ADAMTSL3: variants seen among roughly 807,000 people sequenced by gnomAD.
ADAMTSL3 encodes the protein ADAMTS-like protein 3.
In ADAMTSL3, 128 loss-of-function variants were observed where a neutral mutation model predicts 201.7. The ratio of observed to expected loss-of-function variants is 0.63; its 90% confidence interval spans 0.55 to 0.73. The LOEUF is 0.73. Ranked by LOEUF, ADAMTSL3 falls within the 30% of genes least tolerant of loss-of-function variation. ADAMTSL3 has a pLI of 0.00. For missense variants in ADAMTSL3, 1,990 were observed against 2,119.6 expected, an observed-to-expected ratio of 0.94 and a Z score of 1.20; for synonymous variants, 738 against 748.4, an observed-to-expected ratio of 0.99 and a Z score of 0.23.
At chr15:83,957,812 G>A (rs575783397) in intron 19 of ADAMTSL3, among the ~76,000 whole-genome samples, 7 of 152,264 alleles carry the variant, frequency 4.6e-5, no homozygotes, top group African/African-American at 1.4e-4. Context: ...AGTTATAATT[G>A]CGTGAATCAT....
intron 13 of ADAMTSL3, among the ~76,000 whole-genome samples, chr15:83,894,554 G>A (rs532265075): frequency 2.2e-4 from 34 of 152,118 alleles, no homozygotes; most frequent in South Asian, 8.3e-4. Context: ...ATACAGGGGC[G>A]AGCTCTTCTT....
chr15:83,885,202 G>A lies in ADAMTSL3; in HGVS notation c.1062G>A (p.Thr354=), dbSNP rs544216870. 5.6e-6 allele frequency: 9 copies of A among 1,611,570 alleles called. No homozygotes were observed. Among genetic ancestry groups the A allele is most frequent in the East Asian group, 4.5e-5 (2 of 44,830 alleles). ...RQTDFFPCTV[T]CGGGYQLNSA... is the part of the protein sequence containing the mutation. ...CTGACTTCTTTCCCTGCACTGTGAC[G>A]TGTGGAGGAGGTGAGGCCCAGGCTT... The change falls in exon 10 of 30, where the codon ACG becomes ACA. Residue 354 remains threonine, a synonymous_variant. Coordinates refer to ENST00000286744, the MANE Select transcript of ADAMTSL3 (RefSeq NM_207517.3).
chr15:83,850,198 A>G (rs1203993175), intron 7 of ADAMTSL3, among the ~76,000 whole-genome samples: 1 of 151,924 alleles, frequency 6.6e-6, no homozygotes, highest in Non-Finnish European at 1.5e-5. Flanking sequence ...CGGAGGCACA[A>G]ATGTCTGTCT....
rs373418868 is a variant in ADAMTSL3, at chr15:83,704,371, A to G, written c.70-18A>G. On this transcript the variant is annotated intron_variant, in intron 2 of 29. Coordinates refer to ENST00000286744, the MANE Select transcript of ADAMTSL3 (RefSeq NM_207517.3). ...CTTACTGGAGCCTTATTTGTGACCA[A>G]ATGATCTTGTTTTTCAGACCACAGC... 12 of 1,614,040 alleles carry G rather than the reference A, an allele frequency of 7.4e-6. No homozygotes were observed. The highest frequency in any genetic ancestry group is 4.5e-5 in the East Asian group (2 of 44,874).
intron 10 of ADAMTSL3, among the ~76,000 whole-genome samples, chr15:83,886,280 T>C (rs2065389546): frequency 6.6e-6 from 1 of 152,184 alleles, no homozygotes; most frequent in African/African-American, 2.4e-5. Flanking sequence ...CTTAGTAGAA[T>C]AGGGATTTAT....
chr15:83,778,260 A>C (rs942847821), intron 4 of ADAMTSL3, among the ~76,000 whole-genome samples: 1 of 152,182 alleles, frequency 6.6e-6, no homozygotes, highest in Non-Finnish European at 1.5e-5. Context: ...CAACATTCAA[A>C]TTCAGGAAAT....
chr15:83,677,272 T>TAG (rs2061419831), intron 2 of ADAMTSL3, among the ~76,000 whole-genome samples: 1 of 152,228 alleles, frequency 6.6e-6, no homozygotes, highest in South Asian at 2.1e-4. Flanking sequence ...GAGTGTTCTT[T>TAG]AGATGTCAAT....
At chr15:83,676,116 T>C (rs2061401188) in intron 2 of ADAMTSL3, among the ~76,000 whole-genome samples, 1 of 152,140 alleles carries the variant, frequency 6.6e-6, no homozygotes, top group Admixed American at 6.5e-5. Context: ...TGCTCTTTAT[T>C]ATTTTCTTCC....
chr15:83,877,823 G>C (rs1191102032), intron 9 of ADAMTSL3, among the ~76,000 whole-genome samples: 1 of 151,602 alleles, frequency 6.6e-6, no homozygotes, highest in African/African-American at 2.4e-5. Context: ...TTATTTTCAG[G>C]TGTTGGTTAT....
At chr15:83,730,950 G>T (rs1219172154) in intron 3 of ADAMTSL3, among the ~76,000 whole-genome samples, 1 of 151,980 alleles carries the variant, frequency 6.6e-6, no homozygotes, top group Non-Finnish European at 1.5e-5. Context: ...TGATTTTTGG[G>T]TATGGTGTAA....
chr15:83,685,610 AT>A (rs1225474079), intron 2 of ADAMTSL3, among the ~76,000 whole-genome samples: 1 of 152,146 alleles, frequency 6.6e-6, no homozygotes, highest in Non-Finnish European at 1.5e-5. Context: ...CCAAAGGAAA[AT>A]TATTTTATAT....
chr15:83,728,801 T>C (rs1002527506), intron 3 of ADAMTSL3, among the ~76,000 whole-genome samples: 1 of 152,100 alleles, frequency 6.6e-6, no homozygotes, highest in African/African-American at 2.4e-5. Flanking sequence ...AATTACAGTG[T>C]CATAATATTC....
intron 15 of ADAMTSL3, 51 bp downstream of exon 15, chr15:83,899,782 G>C (rs182878232): frequency 2.9e-5 from 46 of 1,575,172 alleles, no homozygotes; most frequent in Non-Finnish European, 3.9e-5. Context: ...CAGTTAACAT[G>C]ATATATGTAA....
chr15:83,860,027 G>A (rs977279046), intron 8 of ADAMTSL3, among the ~76,000 whole-genome samples: 2 of 151,992 alleles, frequency 1.3e-5, no homozygotes, highest in Non-Finnish European at 1.5e-5. Context: ...AATTAGCTAG[G>A]CATAGTGGCG....
chr15:83,862,690 G>A (rs1315384831), intron 8 of ADAMTSL3: 2 of 152,076 alleles, frequency 1.3e-5, no homozygotes, highest in Non-Finnish European at 2.9e-5. Context: ...TACCATTGAT[G>A]CTAGGAAGAA....
At chr15:84,031,736 T>C (rs1473730301) in intron 28 of ADAMTSL3, among the ~76,000 whole-genome samples, 1 of 152,184 alleles carries the variant, frequency 6.6e-6, no homozygotes, top group Non-Finnish European at 1.5e-5. Context: ...ATATACTAAG[T>C]TAATCAAGCC....
intron 5 of ADAMTSL3, among the ~76,000 whole-genome samples, chr15:83,815,202 C>T (rs1054567026): frequency 1.3e-5 from 2 of 152,330 alleles, no homozygotes; most frequent in Non-Finnish European, 2.9e-5. Context: ...AGAGTCAAGT[C>T]TTGCTGATAT....
In ADAMTSL3 at chr15:83,920,294, G is replaced by C. The variant is rs141679412; in HGVS notation, c.1988-3610G>C. On this transcript the variant is annotated intron_variant, in intron 16 of 29. Coordinates refer to ENST00000286744, the MANE Select transcript of ADAMTSL3 (RefSeq NM_207517.3). The stretch of plus-strand genomic sequence containing the variant: ...ATCCCTTCAAATCATGACAGGCCTC[G>C]AGCTGTAGTTTCTTCCAGCTCCTCT... Among the ~76,000 whole-genome samples the C allele has an allele frequency of 4.6e-3, 704 of 152,190 alleles. 1 individual carries two copies. The highest frequency in any genetic ancestry group is 7.2e-3 in the Non-Finnish European group (492 of 68,010).
At chr15:83,655,922 T>A in intron 2 of ADAMTSL3, 92 bp downstream of exon 2, 1 of 1,308,482 alleles carries the variant, frequency 7.6e-7, no homozygotes, top group Non-Finnish European at 1.1e-6. Flanking sequence ...GTGGCATGAT[T>A]AGTGTTAATC....
Sources: allele counts gnomAD v4.1 joint callset (sites outside exome capture counted in the v4.1 genomes callset), GRCh38; gene constraint gnomAD v4.1.1; transcripts MANE v1.5; gene names NCBI Gene and HGNC (gene_info 2026-07-23, HGNC 2026-07-21).